CNTNAP2: variants seen among roughly 807,000 people sequenced by gnomAD.
CNTNAP2 encodes contactin-associated protein-like 2.
A neutral mutation model predicts 155.2 loss-of-function variants in CNTNAP2; 98 were observed. That is an observed-to-expected ratio of 0.63 (90% CI 0.54 to 0.75). The LOEUF is 0.75. Ranked by LOEUF, CNTNAP2 falls within the 30% of genes least tolerant of loss-of-function variation. The pLI is 0.00. For synonymous variants in CNTNAP2, 651 were observed against 631.2 expected, an observed-to-expected ratio of 1.03 and a Z score of -0.47; for missense variants, 1,727 against 1,688.1, an observed-to-expected ratio of 1.02 and a Z score of -0.40.
At chr7:146,214,206 T>C (rs776799859) in intron 1 of CNTNAP2, among the ~76,000 whole-genome samples, 4 of 152,228 alleles carry the variant, frequency 2.6e-5, no homozygotes, top group Non-Finnish European at 4.4e-5. Context: ...GATCTACTTT[T>C]ATACAAAATC....
chr7:146,185,671 C>T (rs993057244), intron 1 of CNTNAP2, among the ~76,000 whole-genome samples: 10 of 151,894 alleles, frequency 6.6e-5, no homozygotes, highest in African/African-American at 2.2e-4. Flanking sequence ...CTTGATAAAG[C>T]AATTCCTCTA....
chr7:146,338,722 C>T (rs1303252256), intron 1 of CNTNAP2, among the ~76,000 whole-genome samples: 1 of 152,074 alleles, frequency 6.6e-6, no homozygotes, highest in African/African-American at 2.4e-5. Context: ...CAGAGTTAAA[C>T]AGAACTTCTT....
At chr7:147,529,266 T>C (rs851814) in intron 11 of CNTNAP2, among the ~76,000 whole-genome samples, 74,367 of 152,034 alleles carry the variant, frequency 0.49, 18,232 homozygotes, top group East Asian at 0.56. Context: ...ATATATTTAA[T>C]ATTTATACCT....
intron 13 of CNTNAP2, among the ~76,000 whole-genome samples, chr7:147,837,676 A>G (rs766075405): frequency 1.3e-5 from 2 of 152,234 alleles, no homozygotes; most frequent in Non-Finnish European, 2.9e-5. Context: ...GGGTGCAGGC[A>G]TTAGATAAAT....
intron 3 of CNTNAP2, among the ~76,000 whole-genome samples, chr7:146,937,884 T>G (rs187671117): frequency 4.6e-5 from 7 of 152,302 alleles, no homozygotes; most frequent in South Asian, 2.1e-4. Flanking sequence ...TAGGGTTGTT[T>G]ATAGAGACAA....
At chr7:146,383,109 T>C (rs1356690121) in intron 1 of CNTNAP2, among the ~76,000 whole-genome samples, 1 of 152,166 alleles carries the variant, frequency 6.6e-6, no homozygotes, top group Non-Finnish European at 1.5e-5. Flanking sequence ...ACAATGTGAA[T>C]CTGTGTGAAA....
chr7:147,334,954 A>C (rs963358392), intron 9 of CNTNAP2, among the ~76,000 whole-genome samples: 8 of 152,180 alleles, frequency 5.3e-5, no homozygotes, highest in Non-Finnish European at 8.8e-5. Context: ...TTTTATTTTC[A>C]CAATAATCTC....
chr7:148,244,104 A>G (rs992832984), intron 20 of CNTNAP2, among the ~76,000 whole-genome samples: 1 of 152,208 alleles, frequency 6.6e-6, no homozygotes, highest in Non-Finnish European at 1.5e-5. Context: ...ATGTTATTTT[A>G]TGCGTAGGAG....
chr7:147,660,238 T>C lies in CNTNAP2; in HGVS notation c.2098+20932T>C, dbSNP rs112582331. Among the ~76,000 whole-genome samples the C allele has an allele frequency of 8.1e-3, 1,231 of 152,358 alleles. 15 individuals are homozygous for C. Among genetic ancestry groups the C allele is most frequent in the Non-Finnish European group, 0.012 (796 of 68,038 alleles). On this transcript the variant is annotated intron_variant, in intron 13 of 23. Transcript: ENST00000361727. ...AGAGAAGACTGACTTTTTCAATGTA[T>C]TCCTTTGTACCCTTTTCCTTTCAAT...
chr7:147,943,499 C>T (rs1454999826), intron 14 of CNTNAP2, among the ~76,000 whole-genome samples: 1 of 152,022 alleles, frequency 6.6e-6, no homozygotes, highest in Non-Finnish European at 1.5e-5. Flanking sequence ...CGGGCGAAGT[C>T]GCTCACGCTT....
At chr7:147,639,781 AT>A (rs1795244045) in intron 13 of CNTNAP2, among the ~76,000 whole-genome samples, 1 of 152,134 alleles carries the variant, frequency 6.6e-6, no homozygotes, top group South Asian at 2.1e-4. Context: ...GTCTAGCCTG[AT>A]TTTTTGTTTT....
intron 3 of CNTNAP2, among the ~76,000 whole-genome samples, chr7:146,942,704 A>C (rs1353975134): frequency 6.6e-6 from 1 of 152,188 alleles, no homozygotes; most frequent in Non-Finnish European, 1.5e-5. Context: ...ATAATAAATG[A>C]AATACCACAA....
At chr7:147,872,768 A>G (rs1180658895) in intron 13 of CNTNAP2, among the ~76,000 whole-genome samples, 1 of 152,216 alleles carries the variant, frequency 6.6e-6, no homozygotes, top group Non-Finnish European at 1.5e-5. Context: ...ATTCCATCTT[A>G]CCACAGAATC....
intron 1 of CNTNAP2, among the ~76,000 whole-genome samples, chr7:146,661,224 C>A (rs912296596): frequency 6.6e-6 from 1 of 152,092 alleles, no homozygotes; most frequent in African/African-American, 2.4e-5. Flanking sequence ...TATCCACAGG[C>A]AGCCCTGGGT....
chr7:148,023,905 A>T (rs1005149964), intron 15 of CNTNAP2, among the ~76,000 whole-genome samples: 5 of 152,120 alleles, frequency 3.3e-5, no homozygotes, highest in African/African-American at 4.8e-5. Flanking sequence ...CTAGATGCTG[A>T]AATTGCATTT....
At chr7:148,394,518 G>C (rs1301260107) in intron 22 of CNTNAP2, among the ~76,000 whole-genome samples, 1 of 151,942 alleles carries the variant, frequency 6.6e-6, no homozygotes, top group Non-Finnish European at 1.5e-5. Context: ...ATGTGGATTT[G>C]AGAATTTTAA....
At chr7:146,598,463 A>G (rs890594899) in intron 1 of CNTNAP2, among the ~76,000 whole-genome samples, 2 of 152,062 alleles carry the variant, frequency 1.3e-5, no homozygotes, top group Non-Finnish European at 2.9e-5. Flanking sequence ...TGTTTTGAAC[A>G]CCTCAAGTTT....
chr7:147,557,100 C>A (rs1799966381), intron 11 of CNTNAP2, among the ~76,000 whole-genome samples: 1 of 151,980 alleles, frequency 6.6e-6, no homozygotes. Context: ...CCCATCTCTA[C>A]TGAAAATACA....
At chr7:146,190,319 A>ATATCAT (rs1798684628) in intron 1 of CNTNAP2, among the ~76,000 whole-genome samples, 1 of 151,700 alleles carries the variant, frequency 6.6e-6, no homozygotes. Context: ...GCAGGAACCA[A>ATATCAT]TATCAGCACT....
Sources: allele counts gnomAD v4.1 joint callset (sites outside exome capture counted in the v4.1 genomes callset), GRCh38; gene constraint gnomAD v4.1.1; transcripts MANE v1.5; gene names NCBI Gene and HGNC (gene_info 2026-07-23, HGNC 2026-07-21).